CRTC3: variants seen among roughly 807,000 people sequenced by gnomAD.
The protein encoded by CRTC3 is CREB regulated transcription coactivator 3, also known as CREB-regulated transcription coactivator 3.
Under a neutral mutation model 74.5 loss-of-function variants are expected in CRTC3, and 26 were observed. That is an observed-to-expected ratio of 0.35 (90% confidence interval 0.26 to 0.48). The LOEUF (loss-of-function observed/expected upper bound fraction) is 0.48. CRTC3 is among the 20% of genes least tolerant of loss of function. The probability of loss-of-function intolerance (pLI) is 0.99; values close to 1 mark genes in which losing one functional copy is unlikely to be tolerated. For missense variants in CRTC3, 760 were observed against 787.3 expected (o/e 0.97, Z 0.41); for synonymous variants, 377 against 325.8 (o/e 1.16, Z -1.69).
In CRTC3 at chr15:90,642,344, T is replaced by C. The variant is rs1969480339; in HGVS notation, c.*204T>C. 5.2e-6 allele frequency: 3 copies of C among 579,624 alleles called. No individual in the cohort carries two copies. Among genetic ancestry groups the C allele is most frequent in the Admixed American group, 3.0e-5 (1 of 33,078 alleles). 35.9% of individuals were successfully genotyped at this position (579,624 alleles called of 1,614,324 possible). On this transcript the variant is annotated 3_prime_UTR_variant, in exon 15 of 15. Transcript: ENST00000268184. ...AGCTTTGTACTGCCTCTCCCGCCTG[T>C]GGCCAAAGTCGTGTTGCAGCAGGCA...
At chr15:90,598,704 G>T (rs1967993537) in intron 3 of CRTC3, 2 of 595,552 alleles carry the variant, frequency 3.4e-6, no homozygotes, top group Admixed American at 2.9e-5. Flanking sequence ...TTTTGGCAGA[G>T]AACTTGAGTA....
chr15:90,643,727 GA>G lies in CRTC3; in HGVS notation c.*1588del, dbSNP rs1229122133. On this transcript the variant is annotated 3_prime_UTR_variant, in exon 15 of 15. Transcript: ENST00000268184. Reference sequence around the variant, plus strand: ...TGAAGGGGGCAGAGCACTGCAGGGGGAGGGGGGGGTCTAGGCTGTGAGAGGA... The same window carrying G: ...TGAAGGGGGCAGAGCACTGCAGGGGGGGGGGGGGTCTAGGCTGTGAGAGGA... 4.3e-5 allele frequency: 10 copies of G among 232,332 alleles called. No individual in the cohort carries two copies. The highest frequency in any genetic ancestry group is 1.8e-4 in the East Asian group (3 of 16,494). The allele number at this position is 232,332 out of a possible 1,614,324, so 14.4% of individuals were successfully genotyped here.
At position 90,540,146 on chromosome 15, in the gene CRTC3, A is replaced by G. The variant is rs779155715; in HGVS notation, c.231+9A>G. 2 of 1,558,388 alleles carry G rather than the reference A, an allele frequency of 1.3e-6. No individual in the cohort carries two copies. The highest frequency in any genetic ancestry group is 1.8e-5 in the Admixed American group (1 of 54,564). On this transcript the variant is annotated intron_variant, in intron 2 of 14. Coordinates refer to ENST00000268184, the MANE Select transcript of CRTC3 (RefSeq NM_022769.5). The stretch of plus-strand genomic sequence containing the variant: ...GTGCGTCAGAGTTTCAGGTACCTCC[A>G]GATATGTACTTTCTTGAAGCTGAAT...
intron 2 of CRTC3, among the ~76,000 whole-genome samples, chr15:90,567,163 T>C (rs1432433839): frequency 2.6e-5 from 4 of 152,116 alleles, no homozygotes; most frequent in Non-Finnish European, 5.9e-5. Context: ...TCAACGCTTA[T>C]TACCATTCCT....
At chr15:90,619,982 A>G in intron 9 of CRTC3, 192 bp downstream of exon 9, 3 of 578,398 alleles carry the variant, frequency 5.2e-6, no homozygotes, top group Non-Finnish European at 6.2e-6. Flanking sequence ...ATTAAATTAC[A>G]TGACTATAAT....
At chr15:90,637,705 A>C (rs1335076529) in intron 11 of CRTC3, 1 of 152,184 alleles carries the variant, frequency 6.6e-6, no homozygotes, top group Non-Finnish European at 1.5e-5. Context: ...CAGTGCGCAG[A>C]AGCACACTCA....
intron 2 of CRTC3, among the ~76,000 whole-genome samples, chr15:90,562,428 T>C (rs1268168721): frequency 2.6e-5 from 4 of 152,300 alleles, no homozygotes; most frequent in Non-Finnish European, 4.4e-5. Flanking sequence ...GGTTTATCTT[T>C]CTCGGGCCTT....
At position 90,587,484 on chromosome 15, in the gene CRTC3, C is replaced by T. The variant is rs529737432; in HGVS notation, c.232-6152C>T. 3.3e-5 allele frequency among the ~76,000 whole-genome samples: 5 copies of T among 152,328 alleles called. No individual in the cohort carries two copies. In the East Asian group the frequency reaches 7.7e-4, roughly 23 times the overall value. ...CATTTCTGTATGGAGGCACAGAAGC[C>T]TTCTCTTCCTCATTTGATGTCTAGG... On this transcript the variant is annotated intron_variant, in intron 2 of 14. Coordinates refer to ENST00000268184, the MANE Select transcript of CRTC3 (RefSeq NM_022769.5).
At chr15:90,557,433 G>A (rs1258746490) in intron 2 of CRTC3, among the ~76,000 whole-genome samples, 1 of 152,092 alleles carries the variant, frequency 6.6e-6, no homozygotes, top group Admixed American at 6.5e-5. Context: ...TTACAGTCTT[G>A]TGACAAACTA....
intron 6 of CRTC3, among the ~76,000 whole-genome samples, chr15:90,608,609 C>T (rs1302656567): frequency 6.6e-6 from 1 of 152,230 alleles, no homozygotes; most frequent in Non-Finnish European, 1.5e-5. Flanking sequence ...ACCTGCAATG[C>T]TTGGCTGCTT....
At chr15:90,603,433 A>G (rs1204137996) in intron 4 of CRTC3, among the ~76,000 whole-genome samples, 3 of 151,552 alleles carry the variant, frequency 2.0e-5, no homozygotes, top group Non-Finnish European at 2.9e-5. Flanking sequence ...ACAGAGCGAG[A>G]CTCCATCTCA....
In CRTC3 at chr15:90,555,423, A is replaced by C. The variant is rs12437598; in HGVS notation, c.231+15286A>C. Among the ~76,000 whole-genome samples the C allele has an allele frequency of 7.7e-3, 1,177 of 152,360 alleles. 44 individuals are homozygous for C. In the East Asian group the frequency reaches 0.11, roughly 14 times the overall value. ...AAGAAAATGCAGACACTATCAGTTT[A>C]AGAAGCTCATAATCAAGTATGATAG... On this transcript the variant is annotated intron_variant, in intron 2 of 14. Transcript: ENST00000268184.
At position 90,536,539 on chromosome 15, in the gene CRTC3, A is replaced by G. The variant is rs376551082; in HGVS notation, c.133-3500A>G. Among the ~76,000 whole-genome samples the G allele has an allele frequency of 1.5e-4, 23 of 152,156 alleles. No homozygotes were observed. In the South Asian group the frequency reaches 4.6e-3, roughly 30 times the overall value. On this transcript the variant is annotated intron_variant, in intron 1 of 14. Coordinates refer to ENST00000268184, the MANE Select transcript of CRTC3 (RefSeq NM_022769.5). Reference sequence around the variant, plus strand: ...ACTATTCTAGGTCATTTGCACATCCATAAATTTTAGAATTATCTTGTCAAT... The same window carrying G: ...ACTATTCTAGGTCATTTGCACATCCGTAAATTTTAGAATTATCTTGTCAAT...
At chr15:90,586,558 G>A (rs1967669779) in intron 2 of CRTC3, among the ~76,000 whole-genome samples, 1 of 151,774 alleles carries the variant, frequency 6.6e-6, no homozygotes, top group South Asian at 2.1e-4. Flanking sequence ...TAGAGACGGG[G>A]TTTCTGTTGG....
chr15:90,638,611 C>A lies in CRTC3; in HGVS notation c.1432C>A (p.Leu478Met), dbSNP rs759758472. 3 of 1,613,412 alleles carry A rather than the reference C, an allele frequency of 1.9e-6. No homozygotes were observed. The highest frequency in any genetic ancestry group is 3.3e-5 in the Admixed American group (2 of 60,026). The stretch of plus-strand genomic sequence containing the variant: ...CCAGCAGCCCCAGGCAGCCTCCTCA[C>A]TGCCACAGTCAGACTTTCAGCTTCT... Reference protein sequence around the residue: ...PAQQPQAASSLPQSDFQLLPA... With the variant: ...PAQQPQAASSMPQSDFQLLPA... Residue 478 changes from leucine to methionine, a missense_variant, in exon 12 of 15, where the codon CTG (leucine) becomes ATG (methionine). By Grantham distance (15) the Leu-to-Met change is conservative (BLOSUM62 2). Around this residue, in one of 2 missense-constraint regions of CRTC3, gnomAD observed 652 missense variants for 635.2 expected, o/e 1.03. Transcript: ENST00000268184.
chr15:90,618,573 G>A (rs926030328), intron 8 of CRTC3, among the ~76,000 whole-genome samples: 2 of 152,230 alleles, frequency 1.3e-5, no homozygotes, highest in African/African-American at 4.8e-5. Context: ...CCAGAGGGAA[G>A]CTGTGTTGAC....
chr15:90,588,877 T>C (rs1396500580), intron 2 of CRTC3, among the ~76,000 whole-genome samples: 2 of 152,196 alleles, frequency 1.3e-5, no homozygotes, highest in Non-Finnish European at 2.9e-5. Context: ...AAGCAGCTCT[T>C]ATGTATGTAA....
chr15:90,584,996 G>A (rs1486193178), intron 2 of CRTC3, among the ~76,000 whole-genome samples: 1 of 152,172 alleles, frequency 6.6e-6, no homozygotes, highest in African/African-American at 2.4e-5. Flanking sequence ...CTCCAAATGA[G>A]ACTACTGGAG....
chr15:90,629,000 C>T (rs1030666182), intron 10 of CRTC3, among the ~76,000 whole-genome samples: 8 of 152,124 alleles, frequency 5.3e-5, no homozygotes, highest in Non-Finnish European at 1.2e-4. Context: ...ACGTGATCTC[C>T]CTCCTCATGG....
Sources: allele counts gnomAD v4.1 joint callset (sites outside exome capture counted in the v4.1 genomes callset), GRCh38; gene constraint gnomAD v4.1.1; regional missense constraint gnomAD v4.1.1; transcripts MANE v1.5; gene names NCBI Gene and HGNC (gene_info 2026-07-23, HGNC 2026-07-21).